Variants in IL21R observed in about 807,000 individuals in gnomAD.
IL21R encodes the protein interleukin 21 receptor.
IL21R carries 14 observed loss-of-function variants against 41.3 expected under a neutral mutation model. The observed-to-expected ratio is 0.34, with a 90% CI of 0.22 to 0.53. The LOEUF is 0.53. IL21R is among the 20% of genes least tolerant of loss of function. The pLI, the probability that IL21R is intolerant of heterozygous loss-of-function variation, is 0.94. For synonymous variants in IL21R, 286 were observed against 287.6 expected, an observed-to-expected ratio of 0.99 and a Z score of 0.05; for missense variants, 588 against 681.6, an observed-to-expected ratio of 0.86 and a Z score of 1.53.
intron 1 of IL21R, among the ~76,000 whole-genome samples, chr16:27,417,480 A>G (rs74571763): frequency 0.044 from 6,670 of 152,188 alleles, 194 homozygotes; most frequent in South Asian, 0.11. Context: ...TCTTTTCACT[A>G]TATAACTAGG....
chr16:27,418,962 C>T (rs1040140497), intron 1 of IL21R, among the ~76,000 whole-genome samples: 1 of 151,582 alleles, frequency 6.6e-6, no homozygotes, highest in African/African-American at 2.4e-5. Context: ...TGCCCGTAAT[C>T]CCGGCACTTT....
At chr16:27,422,830 G>A (rs989688415) in intron 1 of IL21R, among the ~76,000 whole-genome samples, 3 of 152,186 alleles carry the variant, frequency 2.0e-5, no homozygotes, top group Non-Finnish European at 4.4e-5. Context: ...TGTATAAAAA[G>A]TATAGAGGCT....
In IL21R at chr16:27,414,165, A is replaced by AGTGTGTGTGTGTGTGTGTGTGTGTGT. The variant is rs3917005; in HGVS notation, c.-17+11572_-17+11573insTGTGTGTGTGTGTGTGTGTGTGTGTG. Among the ~76,000 whole-genome samples the AGTGTGTGTGTGTGTGTGTGTGTGTGT allele has an allele frequency of 4.3e-3, 618 of 144,274 alleles. 6 individuals carry two copies. In the Middle Eastern group the frequency reaches 0.049, roughly 11 times the overall value. 94.6% of individuals were successfully genotyped at this position (144,274 alleles called of 152,430 possible). On this transcript the variant is annotated intron_variant, in intron 1 of 8. Transcript: ENST00000337929. ...ATTAAGGATAATGTTAGCTATGTAT[A>AGTGTGTGTGTGTGTGTGTGTGTGTGT]GTGTGTGTGTGTGTGTGTGTGTGTG...
chr16:27,447,404 C>T (rs1038603574), intron 8 of IL21R, among the ~76,000 whole-genome samples: 4 of 151,766 alleles, frequency 2.6e-5, no homozygotes, highest in African/African-American at 4.8e-5. Context: ...GACTTTGAAT[C>T]AGTGGTGGTG....
chr16:27,423,950 A>T (rs1257518125), intron 1 of IL21R, among the ~76,000 whole-genome samples: 1 of 152,252 alleles, frequency 6.6e-6, no homozygotes, highest in Admixed American at 6.5e-5. Flanking sequence ...TCCTCTGGCT[A>T]TAAATGAGAG....
chr16:27,407,890 C>T (rs978620484), intron 1 of IL21R, among the ~76,000 whole-genome samples: 1 of 58,568 alleles, frequency 1.7e-5, no homozygotes, highest in Non-Finnish European at 2.8e-5. Context: ...GCTCTCAATC[C>T]CCTAAAGCTC....
chr16:27,431,657 C>CT (rs533044331), intron 2 of IL21R, among the ~76,000 whole-genome samples: 223 of 145,902 alleles, frequency 1.5e-3, no homozygotes, highest in Middle Eastern at 3.5e-3. Context: ...CCCATCTTTG[C>CT]TTTTTTTTTT....
chr16:27,439,401 A>C (rs1324980661), intron 4 of IL21R, among the ~76,000 whole-genome samples: 1 of 150,624 alleles, frequency 6.6e-6, no homozygotes, highest in Non-Finnish European at 1.5e-5. Flanking sequence ...ATACACACAC[A>C]CTCACACATA....
At chr16:27,432,757 C>A (rs3093317) in intron 2 of IL21R, among the ~76,000 whole-genome samples, 1 of 152,088 alleles carries the variant, frequency 6.6e-6, no homozygotes, top group African/African-American at 2.4e-5. Flanking sequence ...CTGAGGAAAG[C>A]CCCCTCCTAG....
In IL21R at chr16:27,450,164, G is replaced by C. The variant is rs1210787929; in HGVS notation, c.*881G>C. 2 of 232,924 alleles carry C rather than the reference G, an allele frequency of 8.6e-6. No homozygotes were observed. Among genetic ancestry groups the C allele is most frequent in the Non-Finnish European group, 1.7e-5 (2 of 117,930 alleles). 14.4% of individuals were successfully genotyped at this position (232,924 alleles called of 1,614,324 possible). ...CCGCGGGGCCGTCCCGCCTGCAGAG[G>C]GCCACTCGGGGGGGTTTCCAGGCTT... is the stretch of plus-strand genomic sequence containing the variant. On this transcript the variant is annotated 3_prime_UTR_variant, in exon 9 of 9. Coordinates refer to ENST00000337929, the MANE Select transcript of IL21R (RefSeq NM_181078.3).
At chr16:27,415,861 T>C (rs2086888868) in intron 1 of IL21R, among the ~76,000 whole-genome samples, 1 of 152,248 alleles carries the variant, frequency 6.6e-6, no homozygotes, top group Non-Finnish European at 1.5e-5. Context: ...ACTATGTGCC[T>C]GGTATCATCA....
rs984220382 is a variant in IL21R, at chr16:27,426,410, G to A, written c.-16-3646G>A. On this transcript the variant is annotated intron_variant, in intron 1 of 8. Transcript: ENST00000337929. ...AGTAGCACCAGTGAAAACCTCAAAC[G>A]CAATAGGCTAGTGGCAGGAGTTCTG... Among the ~76,000 whole-genome samples, 13 of 152,246 alleles carry A rather than the reference G, an allele frequency of 8.5e-5. No homozygotes were observed. In the South Asian group the frequency reaches 1.2e-3, roughly 15 times the overall value.
intron 4 of IL21R, among the ~76,000 whole-genome samples, chr16:27,439,408 C>T (rs889459385): frequency 1.3e-5 from 2 of 151,740 alleles, no homozygotes; most frequent in African/African-American, 2.4e-5. Context: ...CACACTCACA[C>T]ATATACTCTC....
intron 1 of IL21R, among the ~76,000 whole-genome samples, chr16:27,425,194 T>G (rs2087056100): frequency 6.6e-6 from 1 of 152,184 alleles, no homozygotes; most frequent in South Asian, 2.1e-4. Context: ...CCTTCTGTCC[T>G]TGTAGGAAAC....
chr16:27,445,103 T>C, intron 6 of IL21R, 74 bp from the exon 7 acceptor site: 2 of 1,071,988 alleles, frequency 1.9e-6, no homozygotes, highest in Admixed American at 1.9e-5. Flanking sequence ...CCAGACCCAT[T>C]TCCCACCATG....
At position 27,448,670 on chromosome 16, in the gene IL21R, A is replaced by G; in HGVS notation, c.1004A>G (p.Gln335Arg). Residue 335 changes from glutamine (Q) to arginine (R), a missense_variant, in exon 9 of 9, where the codon CAA becomes CGA. Transcript: ENST00000337929. ...AAGAGGCTGCAGCTCACGGAGCTAC[A>G]AGAACCAGCAGAGCTGGTGGAGTCT... ...PAKRLQLTEL[Q>R]EPAELVESDG... 6.2e-7 allele frequency: 1 copy of G among 1,613,160 alleles called. No homozygotes were observed. Among genetic ancestry groups the G allele is most frequent in the South Asian group, 1.1e-5 (1 of 91,086 alleles).
intron 6 of IL21R, 25 bp downstream of exon 6, chr16:27,444,744 C>A (rs1567372387): frequency 6.8e-7 from 1 of 1,467,902 alleles, no homozygotes; most frequent in Non-Finnish European, 9.0e-7. Context: ...GGGATGGACA[C>A]CCCACTCCTG....
intron 1 of IL21R, among the ~76,000 whole-genome samples, chr16:27,419,084 G>A (rs953155053): frequency 2.0e-4 from 30 of 151,996 alleles, no homozygotes; most frequent in African/African-American, 4.1e-4. Context: ...GCATGGTGGC[G>A]GGCGCCTGTA....
Position 27,402,357 on chromosome 16 carries a change from C to G in IL21R, c.-278C>G. 6.5e-6 allele frequency: 1 copy of G among 152,752 alleles called. No individual in the cohort carries two copies. The highest frequency in any genetic ancestry group is 2.1e-4 in the South Asian group (1 of 4,842). 9.5% of individuals were successfully genotyped at this position (152,752 alleles called of 1,614,324 possible). On this transcript the variant is annotated 5_prime_UTR_variant, in exon 1 of 9. Coordinates refer to ENST00000337929, the MANE Select transcript of IL21R (RefSeq NM_181078.3). ...CATCCCTGCTGCGGCCGCCTGGTAC[C>G]TTCCTTGCCGTCTCTTTCCTCTGTC...
Sources: gnomAD v4.1 joint callset for allele counts (sites outside exome capture counted in the v4.1 genomes callset) on GRCh38, gnomAD v4.1.1 for gene constraint, MANE v1.5 for transcripts, NCBI Gene and HGNC (gene_info 2026-07-23, HGNC 2026-07-21) for gene names.